Variants in PREB observed in about 807,000 individuals in gnomAD.
PREB encodes the protein guanine nucleotide-exchange factor SEC12.
A neutral mutation model predicts 46.7 loss-of-function variants in PREB; 29 were observed. The ratio of observed to expected loss-of-function variants is 0.62; its 90% confidence interval spans 0.46 to 0.85. The LOEUF (loss-of-function observed/expected upper bound fraction) is 0.85. Among genes scored for constraint, PREB ranks in the 40% least tolerant of loss-of-function variants. The pLI, the probability that PREB is intolerant of heterozygous loss-of-function variation, is 0.00. For synonymous variants in PREB, 224 were observed against 220.1 expected (o/e 1.02, Z -0.16); for missense variants, 494 against 528.4 (o/e 0.93, Z 0.64).
At position 27,134,463 on chromosome 2, in the gene PREB, G is replaced by A. The variant is rs777807937; in HGVS notation, c.-42C>T. 16 of 1,451,648 alleles carry A rather than the reference G, an allele frequency of 1.1e-5. No homozygotes were observed. In the Admixed American group the frequency reaches 4.2e-4, roughly 38 times the overall value. The allele number at this position is 1,451,648 out of a possible 1,614,324, so 89.9% of individuals were successfully genotyped here. ...TCACTGCCCGCACCGCGGCACCCAGGACATGCCGCGCCGGGCCTTCGACTA... is the reference window on the plus strand; with the variant it reads ...TCACTGCCCGCACCGCGGCACCCAGAACATGCCGCGCCGGGCCTTCGACTA... On this transcript the variant is annotated 5_prime_UTR_variant, in exon 1 of 9. Transcript: ENST00000260643.
At position 27,134,543 on chromosome 2, in the gene PREB, C is replaced by G; in HGVS notation, c.-122G>C. Reference sequence around the variant, plus strand: ...GTCGCCGCCGGGAGCACTCCCTACCCCTCTCACACCGGGGAGTTGCCAAAA... The same window carrying G: ...GTCGCCGCCGGGAGCACTCCCTACCGCTCTCACACCGGGGAGTTGCCAAAA... On this transcript the variant is annotated 5_prime_UTR_variant, in exon 1 of 9. Transcript: ENST00000260643. 2.2e-6 allele frequency: 3 copies of G among 1,369,628 alleles called. No individual in the cohort carries two copies. Among genetic ancestry groups the G allele is most frequent in the Non-Finnish European group, 2.8e-6 (3 of 1,069,068 alleles). 84.8% of individuals were successfully genotyped at this position (1,369,628 alleles called of 1,614,324 possible). A position where few individuals can be genotyped will look rare whatever the true frequency, so the allele number is the denominator to read the frequency against.
In PREB at chr2:27,132,220, T is replaced by C. The variant is rs768330168; in HGVS notation, c.926+10A>G. 6.2e-7 allele frequency: 1 copy of C among 1,614,118 alleles called. No individual in the cohort carries two copies. ...ACCCCCTACCTAGCCAAGGCAGCAA[T>C]GTCTCACACCTGACATCGAGGCAGG... On this transcript the variant is annotated intron_variant, in intron 6 of 8. Transcript: ENST00000260643. The surrounding 1 kb of genome is among the most constrained non-coding windows in gnomAD (Gnocchi z 4.0).
chr2:27,132,404 C>G lies in PREB; in HGVS notation c.753-1G>C, dbSNP rs933509741. On this transcript the variant is annotated splice_acceptor_variant, in intron 5 of 8. Coordinates refer to ENST00000260643, the MANE Select transcript of PREB (RefSeq NM_013388.6). LOFTEE classifies it high-confidence loss of function. The surrounding 1 kb of genome is among the most constrained non-coding windows in gnomAD (Gnocchi z 4.0). ...AGGCTGGTCTGGAACCTGCCCAAAC[C>G]TGGGGGCCGGATGAGGGGCTATTCA... 1 of 1,609,854 alleles carries G rather than the reference C, an allele frequency of 6.2e-7. No individual in the cohort carries two copies. Among genetic ancestry groups the G allele is most frequent in the Non-Finnish European group, 8.5e-7 (1 of 1,178,598 alleles).
rs1196839651 is a variant in PREB, at chr2:27,132,370, C to T, written c.786G>A (p.Leu262=). Reference sequence around the variant, plus strand: ...GGGGAATTTGCACTGTGAAGAGTCGCAGGCCAGCAGGCTGGTCTGGAACCT... The same window carrying T: ...GGGGAATTTGCACTGTGAAGAGTCGTAGGCCAGCAGGCTGGTCTGGAACCT... ...FGQVPDQPAG[L]RLFTVQIPHK... The change falls in exon 6 of 9, where the codon CTG becomes CTA. Residue 262 remains leucine (L), a synonymous_variant. Transcript: ENST00000260643. The surrounding 1 kb of genome is among the most constrained non-coding windows in gnomAD (Gnocchi z 4.0). 4.3e-6 allele frequency: 7 copies of T among 1,613,008 alleles called. No individual in the cohort carries two copies. The highest frequency in any genetic ancestry group is 5.9e-6 in the Non-Finnish European group (7 of 1,179,918).
At chr2:27,133,889 C>T (rs545159757) in intron 1 of PREB, 168 bp from the exon 2 acceptor site, 235 of 675,942 alleles carry the variant, frequency 3.5e-4, no homozygotes, top group Non-Finnish European at 2.0e-4. Context: ...GTGAGCAGGA[C>T]TGGGATTATT....
rs975326305 is a variant in PREB at position 27,131,096 on chromosome 2, T to A, written c.*318A>T. 18 of 506,912 alleles carry A rather than the reference T, an allele frequency of 3.6e-5. No individual in the cohort carries two copies. The highest frequency in any genetic ancestry group is 3.4e-4 in the African/African-American group (17 of 49,752). 31.4% of individuals were successfully genotyped at this position (506,912 alleles called of 1,614,324 possible). A position where few individuals can be genotyped will look rare whatever the true frequency, so the allele number is the denominator to read the frequency against. ...AGTGCCTCCAGGCTCTTGGGCATCT[T>A]CACATGTTTCTAGATAAGGACAAGC... On this transcript the variant is annotated 3_prime_UTR_variant, in exon 9 of 9. Transcript: ENST00000260643.
rs1276110981 is a variant in PREB at position 27,134,579 on chromosome 2, C to T, written c.-158G>A. 26 of 1,344,870 alleles carry T rather than the reference C, an allele frequency of 1.9e-5. No homozygotes were observed. The highest frequency in any genetic ancestry group is 2.5e-5 in the Non-Finnish European group (26 of 1,054,156). The allele number at this position is 1,344,870 out of a possible 1,614,324, so 83.3% of individuals were successfully genotyped here. On this transcript the variant is annotated 5_prime_UTR_variant, in exon 1 of 9. Transcript: ENST00000260643. ...GGGGAGTTGCCAAAACCCTGACCAT[C>T]AGCAGGAAGCCGAGCCTCAGCTCGG...
In PREB at chr2:27,134,408, C is replaced by G; in HGVS notation, c.14G>C (p.Arg5Pro). 6.3e-7 allele frequency: 1 copy of G among 1,587,432 alleles called. No homozygotes were observed. Among genetic ancestry groups the G allele is most frequent in the South Asian group, 1.1e-5 (1 of 88,676 alleles). ...CGGAGCCCGGTACAGCTCTGGCGCC[C>G]GGCGCCGGCCCATCCCGCCCGGCGC... The part of the protein sequence containing the change: MGRR[R>P]APELYRAPFP... The change falls in exon 1 of 9, where the codon CGG becomes CCG. Residue 5 changes from arginine to proline, a missense_variant. Transcript: ENST00000260643.
rs548865254 is a variant in PREB, at chr2:27,134,465, C to G, written c.-44G>C. The G allele has an allele frequency of 1.4e-6, 2 of 1,448,148 alleles. No homozygotes were observed. Among genetic ancestry groups the G allele is most frequent in the East Asian group, 2.7e-5 (1 of 37,018 alleles). The allele number at this position is 1,448,148 out of a possible 1,614,324, so 89.7% of individuals were successfully genotyped here. The stretch of plus-strand genomic sequence containing the variant: ...ACTGCCCGCACCGCGGCACCCAGGA[C>G]ATGCCGCGCCGGGCCTTCGACTACT... On this transcript the variant is annotated 5_prime_UTR_variant, in exon 1 of 9. An upstream start codon of the reference 5' UTR is lost. Coordinates refer to ENST00000260643, the MANE Select transcript of PREB (RefSeq NM_013388.6).
At position 27,131,336 on chromosome 2, in the gene PREB, G is replaced by T; in HGVS notation, c.*78C>A. The T allele has an allele frequency of 7.6e-7, 1 of 1,320,068 alleles. No individual in the cohort carries two copies. The highest frequency in any genetic ancestry group is 1.1e-6 in the Non-Finnish European group (1 of 937,446). The allele number at this position is 1,320,068 out of a possible 1,614,324, so 81.8% of individuals were successfully genotyped here. On this transcript the variant is annotated 3_prime_UTR_variant, in exon 9 of 9. Transcript: ENST00000260643. ...CCTCAGCTGTGGACCCGAATGGAGTGAGCAAAGGGAGTCCAGGCCTCCACT... is the reference window on the plus strand; with the variant it reads ...CCTCAGCTGTGGACCCGAATGGAGTTAGCAAAGGGAGTCCAGGCCTCCACT...
At position 27,131,791 on chromosome 2, in the gene PREB, G is replaced by A. The variant is rs191586090; in HGVS notation, c.1040C>T (p.Thr347Met). ...CTTCTCAGGTAGAAAGGCCACATCC[G>A]TCACCACAATGCCATGGGCCTCCCT... ...YVREAHGIVV[T>M]DVAFLPEKGR... The change falls in exon 8 of 9, where the codon ACG (threonine) becomes ATG (methionine). Residue 347 changes from threonine to methionine, a missense_variant. Coordinates refer to ENST00000260643, the MANE Select transcript of PREB (RefSeq NM_013388.6). 138 of 1,614,146 alleles carry A rather than the reference G, an allele frequency of 8.5e-5. 2 individuals are homozygous for A. In the East Asian group the frequency reaches 2.9e-3, roughly 34 times the overall value.
At chr2:27,133,390 G>A in intron 2 of PREB, 53 bp from the exon 3 acceptor site, 1 of 1,605,486 alleles carries the variant, frequency 6.2e-7, no homozygotes, top group Non-Finnish European at 8.5e-7. Context: ...AGGAGTACTG[G>A]CCCCTCTCTC....
In PREB at chr2:27,132,279, G is replaced by C; in HGVS notation, c.877C>G (p.Leu293Val). The C allele has an allele frequency of 6.2e-7, 1 of 1,614,182 alleles. No homozygotes were observed. The highest frequency in any genetic ancestry group is 8.5e-7 in the Non-Finnish European group (1 of 1,180,008). Reference protein sequence around the residue: ...TAWDGSNFLPLRTKSCGHEVV... With the variant: ...TAWDGSNFLPVRTKSCGHEVV... ...TCATGGCCACAGGACTTGGTCCGAA[G>C]GGGCAAGAAGTTGGAGCCATCCCAG... Residue 293 changes from leucine (L) to valine (V), a missense_variant, in exon 6 of 9, where the codon CTT becomes GTT. By Grantham distance (32) the Leu-to-Val change is conservative (BLOSUM62 1). Transcript: ENST00000260643. This position sits in a 1 kb window ranked among gnomAD's most constrained non-coding sequence, Gnocchi z 4.0.
Position 27,132,732 on chromosome 2 carries a change from T to C in PREB, c.628-5A>G, listed in dbSNP as rs1485288526. 6 of 1,614,122 alleles carry C rather than the reference T, an allele frequency of 3.7e-6. No homozygotes were observed. Among genetic ancestry groups the C allele is most frequent in the Non-Finnish European group, 5.1e-6 (6 of 1,180,002 alleles). On this transcript the variant is annotated splice_region_variant and splice_polypyrimidine_tract_variant and intron_variant, in intron 4 of 8. Coordinates refer to ENST00000260643, the MANE Select transcript of PREB (RefSeq NM_013388.6). This position sits in a 1 kb window ranked among gnomAD's most constrained non-coding sequence, Gnocchi z 4.0. ...GTCCCGGCCCACGGTTACCAACTAG[T>C]TAGGAATAAAGATTCCAAGGATGGA... is the stretch of plus-strand genomic sequence containing the variant.
chr2:27,133,155 C>T lies in PREB; in HGVS notation c.508G>A (p.Ala170Thr), dbSNP rs774000515. The change falls in exon 3 of 9, where the codon GCC becomes ACC. Residue 170 changes from alanine to threonine, a missense_variant. Coordinates refer to ENST00000260643, the MANE Select transcript of PREB (RefSeq NM_013388.6). ...ACGTAGCCATCTGTTCCTCCAGTGG[C>T]AAGCAGGGTATTATCGTGGTTGAAG... ...VCFNHDNTLL[A>T]TGGTDGYVRV... is the part of the protein sequence containing the mutation. The T allele has an allele frequency of 1.2e-6, 2 of 1,614,100 alleles. No individual in the cohort carries two copies. The highest frequency in any genetic ancestry group is 2.7e-5 in the African/African-American group (2 of 74,930).
In PREB at chr2:27,134,418, C is replaced by A; in HGVS notation, c.4G>T (p.Gly2Cys). 1 of 1,570,996 alleles carries A rather than the reference C, an allele frequency of 6.4e-7. No individual in the cohort carries two copies. ...TACAGCTCTGGCGCCCGGCGCCGGC[C>A]CATCCCGCCCGGCGCGCGTTCACTG... M[G>C]RRRAPELYRA... The change falls in exon 1 of 9, where the codon GGC (glycine) becomes TGC (cysteine). Residue 2 changes from glycine to cysteine, a missense_variant. By Grantham distance (159) the Gly-to-Cys change is radical. Transcript: ENST00000260643.
chr2:27,133,789 G>C, intron 1 of PREB, 68 bp from the exon 2 acceptor site: 1 of 1,485,892 alleles, frequency 6.7e-7, no homozygotes, highest in Non-Finnish European at 9.3e-7. Context: ...GGAAGAGTCT[G>C]ATGTCTTACC....
At chr2:27,134,198 G>A in intron 1 of PREB, 89 bp downstream of exon 1, 1 of 1,410,278 alleles carries the variant, frequency 7.1e-7, no homozygotes, top group Non-Finnish European at 9.4e-7. Flanking sequence ...CCCGAAGCTG[G>A]AGTGTGGCCC....
In PREB at chr2:27,133,732, G is replaced by A. The variant is rs746462293; in HGVS notation, c.136-11C>T. On this transcript the variant is annotated splice_polypyrimidine_tract_variant and intron_variant, in intron 1 of 8. Coordinates refer to ENST00000260643, the MANE Select transcript of PREB (RefSeq NM_013388.6). ...TAGCTGCAGAAAGTGCTGTGGGAGG[G>A]GGAACCCGGATGAGCAAGTTCAGGG... 1.0e-4 allele frequency: 169 copies of A among 1,612,910 alleles called. No homozygotes were observed. The highest frequency in any genetic ancestry group is 1.4e-4 in the Non-Finnish European group (165 of 1,179,456).
Sources: gnomAD v4.1 joint callset for allele counts on GRCh38, gnomAD v4.1.1 for gene constraint, Gnocchi (gnomAD v3.1) non-coding constraint, MANE v1.5 for transcripts, NCBI Gene and HGNC (gene_info 2026-07-23, HGNC 2026-07-21) for gene names.